Variants in COL1A1 observed in about 807,000 individuals in gnomAD.
COL1A1 encodes collagen type I alpha 1 chain.
A neutral mutation model predicts 195.7 loss-of-function variants in COL1A1; 21 were observed. That is an observed-to-expected ratio of 0.11 (90% CI 0.08 to 0.15). COL1A1 has a LOEUF of 0.15. COL1A1 is among the 10% of genes least tolerant of loss of function. The probability of loss-of-function intolerance (pLI) is 1.00; values close to 1 mark genes in which losing one functional copy is unlikely to be tolerated. For synonymous variants in COL1A1, 749 were observed against 747.3 expected (o/e 1.00, Z -0.04); for missense variants, 1,365 against 2,051.0 (o/e 0.67, Z 6.46).
chr17:50,200,906 C>T (rs917909568), intron 1 of COL1A1, among the ~76,000 whole-genome samples: 1 of 152,316 alleles, frequency 6.6e-6, no homozygotes, highest in Non-Finnish European at 1.5e-5. Flanking sequence ...GACCCCGCCC[C>T]GCCGAGTCCG....
chr17:50,201,088 C>T (rs936092037), intron 1 of COL1A1, among the ~76,000 whole-genome samples: 1 of 152,228 alleles, frequency 6.6e-6, no homozygotes, highest in African/African-American at 2.4e-5. Flanking sequence ...ATGCCCCGCT[C>T]GGCGCCCCCA....
chr17:50,192,416 G>A, intron 29 of COL1A1, 59 bp downstream of exon 29: 1 of 1,531,276 alleles, frequency 6.5e-7, no homozygotes, highest in South Asian at 1.2e-5. Flanking sequence ...TAGGAGCGGG[G>A]GCCTGTCCCT....
rs767525556 is a variant in COL1A1, at chr17:50,188,124, A to G, written c.3233T>C (p.Val1078Ala). ...ETGPAGPAGPVGPVGARGPAG... is the reference protein window; with the variant it reads ...ETGPAGPAGPAGPVGARGPAG... ...GGGGCCACGGGCGCCAACAGGGCCG[A>G]CAGGACCGGCGGGACCAGCAGGACC... The change falls in exon 44 of 51, where the codon GTC (valine) becomes GCC (alanine). Residue 1078 changes from valine to alanine, a missense_variant. Physicochemically the swap from Val to Ala is moderately conservative, Grantham distance 64 (BLOSUM62 0). This residue lies in a region of COL1A1 where 671 missense variants were observed against 1,099.9 expected (regional missense o/e 0.61). Transcript: ENST00000225964. The surrounding 1 kb of genome is among the most constrained non-coding windows in gnomAD (Gnocchi z 5.6). The G allele has an allele frequency of 3.2e-4, 501 of 1,576,772 alleles. No homozygotes were observed. Among genetic ancestry groups the G allele is most frequent in the Non-Finnish European group, 4.1e-4 (478 of 1,159,844 alleles).
chr17:50,196,750 A>C (rs764884184), intron 11 of COL1A1, 80 bp from the exon 12 acceptor site: 20 of 1,492,150 alleles, frequency 1.3e-5, no homozygotes, highest in Non-Finnish European at 1.9e-5. Context: ...TCTGAGAAAG[A>C]GCCTTGGGAG....
intron 32 of COL1A1, among the ~76,000 whole-genome samples, chr17:50,191,145 G>C (rs1050766264): frequency 1.3e-5 from 2 of 152,028 alleles, no homozygotes; most frequent in African/African-American, 4.8e-5. Flanking sequence ...GATGAATAAG[G>C]GAGCCTCCAC....
At position 50,194,120 on chromosome 17, in the gene COL1A1, T is replaced by G. The variant is rs1165557996; in HGVS notation, c.1668+10A>C. The G allele has an allele frequency of 3.1e-6, 5 of 1,605,642 alleles. No individual in the cohort carries two copies. The Admixed American group carries it at 6.8e-5, about 22-fold the overall frequency. ...ACAATGGCAGGGGGTTCAGGGGGAG[T>G]GATACTTACAGGGGGGCCAGTTTTG... On this transcript the variant is annotated intron_variant, in intron 24 of 50. Coordinates refer to ENST00000225964, the MANE Select transcript of COL1A1 (RefSeq NM_000088.4). This position sits in a 1 kb window ranked among gnomAD's most constrained non-coding sequence, Gnocchi z 6.8.
rs558106162 is a variant in COL1A1 at position 50,188,607 on chromosome 17, G to T, written c.3130C>A (p.Pro1044Thr). ...GDRGETGPAG[P>T]PGAPGAPGAP... ...CCAGGAGCACCAGGAGCACCAGGGGGTCCAGCGGGGCCGGTCTCACCACGG... is the reference window on the plus strand; with the variant it reads ...CCAGGAGCACCAGGAGCACCAGGGGTTCCAGCGGGGCCGGTCTCACCACGG... The change falls in exon 43 of 51, where the codon CCC becomes ACC. Residue 1044 changes from proline to threonine, a missense_variant. By Grantham distance (38) the Pro-to-Thr change is conservative. This residue lies in a region of COL1A1 where 671 missense variants were observed against 1,099.9 expected (regional missense o/e 0.61). Coordinates refer to ENST00000225964, the MANE Select transcript of COL1A1 (RefSeq NM_000088.4). The surrounding 1 kb of genome is among the most constrained non-coding windows in gnomAD (Gnocchi z 5.6). The T allele has an allele frequency of 6.2e-7, 1 of 1,613,978 alleles. No homozygotes were observed. The highest frequency in any genetic ancestry group is 1.7e-5 in the Admixed American group (1 of 60,010).
chr17:50,198,730 A>T (rs1907814227), intron 5 of COL1A1: 1 of 571,986 alleles, frequency 1.7e-6, no homozygotes, highest in Non-Finnish European at 3.1e-6. Context: ...CAAAACTCCC[A>T]GTGCCACTAA....
rs1906979783 is a variant in COL1A1 at position 50,190,425 on chromosome 17, G to C, written c.2398-45C>G. On this transcript the variant is annotated intron_variant, in intron 34 of 50. Coordinates refer to ENST00000225964, the MANE Select transcript of COL1A1 (RefSeq NM_000088.4). The surrounding 1 kb of genome is among the most constrained non-coding windows in gnomAD (Gnocchi z 4.7). The stretch of plus-strand genomic sequence containing the variant: ...ATTGGAGAGATGCGCTGACAGGAGG[G>C]AAGGCGGGGATGCGGTGAGGGGAGA... The C allele has an allele frequency of 1.3e-6, 2 of 1,584,550 alleles. No homozygotes were observed. The highest frequency in any genetic ancestry group is 1.7e-6 in the Non-Finnish European group (2 of 1,153,096).
chr17:50,188,168 G>A lies in COL1A1; in HGVS notation c.3208-19C>T, dbSNP rs1411750377. On this transcript the variant is annotated intron_variant, in intron 43 of 50. Coordinates refer to ENST00000225964, the MANE Select transcript of COL1A1 (RefSeq NM_000088.4). This position sits in a 1 kb window ranked among gnomAD's most constrained non-coding sequence, Gnocchi z 5.6. ...CAGGACCCTGGGGAGAGCAAGGAAA[G>A]CATGAGCTCTTGGCCAGGGAAGGCT... The A allele has an allele frequency of 2.6e-6, 4 of 1,543,888 alleles. No homozygotes were observed. The African/African-American group carries it at 4.1e-5, about 16-fold the overall frequency.
rs1269674722 is a variant in COL1A1 at position 50,188,382 on chromosome 17, GT to G, written c.3207+147del. On this transcript the variant is annotated intron_variant, in intron 43 of 50. Coordinates refer to ENST00000225964, the MANE Select transcript of COL1A1 (RefSeq NM_000088.4). The surrounding 1 kb of genome is among the most constrained non-coding windows in gnomAD (Gnocchi z 5.6). ...GGACTTGGGGCTGAGCTTTAACTCA[GT>G]TTTTTGGATTAAGGCCCTGACATCT... is the stretch of plus-strand genomic sequence containing the variant. 5 of 932,502 alleles carry G rather than the reference GT, an allele frequency of 5.4e-6. No individual in the cohort carries two copies. The highest frequency in any genetic ancestry group is 6.7e-6 in the Non-Finnish European group (4 of 599,738). The allele number at this position is 932,502 out of a possible 1,614,324, so 57.8% of individuals were successfully genotyped here.
chr17:50,193,809 G>A (rs1907315457), intron 25 of COL1A1, 134 bp downstream of exon 25: 4 of 806,786 alleles, frequency 5.0e-6, no homozygotes, highest in African/African-American at 1.7e-5. Context: ...CAGATAGGGA[G>A]GCTGAGGTCC....
In COL1A1 at chr17:50,188,102, G is replaced by A. The variant is rs369670483; in HGVS notation, c.3255C>T (p.Gly1085=). 1.1e-4 allele frequency: 174 copies of A among 1,592,220 alleles called. No homozygotes were observed. Among genetic ancestry groups the A allele is most frequent in the Non-Finnish European group, 9.2e-5 (108 of 1,168,044 alleles). Residue 1085 remains glycine (G), a synonymous_variant, in exon 44 of 51, where the codon GGC becomes GGT. Coordinates refer to ENST00000225964, the MANE Select transcript of COL1A1 (RefSeq NM_000088.4). The surrounding 1 kb of genome is among the most constrained non-coding windows in gnomAD (Gnocchi z 5.6). ...GACACAGCAGGGTACTTACGGCGGG[G>A]CCACGGGCGCCAACAGGGCCGACAG... The part of the protein sequence containing the change: ...AGPVGPVGAR[G]PAGPQGPRGD...
At chr17:50,197,908 T>G in intron 8 of COL1A1, 41 bp downstream of exon 8, 1 of 1,607,060 alleles carries the variant, frequency 6.2e-7, no homozygotes, top group Non-Finnish European at 8.5e-7. Context: ...AGAGTCTGTG[T>G]GTTTGTAGAA....
At position 50,186,361 on chromosome 17, in the gene COL1A1, T is replaced by C. The variant is rs1453344125; in HGVS notation, c.3961A>G (p.Lys1321Glu). 1.2e-6 allele frequency: 2 copies of C among 1,614,220 alleles called. No homozygotes were observed. Among genetic ancestry groups the C allele is most frequent in the South Asian group, 2.2e-5 (2 of 91,086 alleles). Residue 1321 changes from lysine (K) to glutamate (E), a missense_variant, in exon 49 of 51, where the codon AAG (lysine) becomes GAG (glutamate). By Grantham distance (56) the Lys-to-Glu change is moderately conservative. This residue lies in a region of COL1A1 where 273 missense variants were observed against 338.6 expected (regional missense o/e 0.81). Transcript: ENST00000225964. The surrounding 1 kb of genome is among the most constrained non-coding windows in gnomAD (Gnocchi z 5.3). Reference sequence around the variant, plus strand: ...CTCTCGCCGAACCAGACATGCCTCTTGTCCTTGGGGTTCTTGCTGATGTAC... The same window carrying C: ...CTCTCGCCGAACCAGACATGCCTCTCGTCCTTGGGGTTCTTGCTGATGTAC... The part of the protein sequence containing the change: ...NWYISKNPKD[K>E]RHVWFGESMT...
intron 45 of COL1A1, 101 bp downstream of exon 45, chr17:50,187,775 G>A: frequency 8.4e-7 from 1 of 1,187,094 alleles, no homozygotes; most frequent in South Asian, 1.4e-5. Context: ...CCCCACTAGG[G>A]AGGGGAAAGA....
chr17:50,199,490 T>C, intron 3 of COL1A1, 37 bp from the exon 4 acceptor site: 1 of 1,614,030 alleles, frequency 6.2e-7, no homozygotes, highest in Non-Finnish European at 8.5e-7. Context: ...GAGGCCAGGT[T>C]AGAGAAGGGA....
chr17:50,191,738 A>C (rs1907094321), intron 31 of COL1A1, 50 bp downstream of exon 31: 1 of 1,537,434 alleles, frequency 6.5e-7, no homozygotes, highest in South Asian at 1.2e-5. Context: ...AGGAGGGGTG[A>C]GACCTGGTCC....
chr17:50,194,939 A>G lies in COL1A1; in HGVS notation c.1353+108T>C. 6.9e-7 allele frequency: 1 copy of G among 1,455,956 alleles called. No homozygotes were observed. Among genetic ancestry groups the G allele is most frequent in the Non-Finnish European group, 9.6e-7 (1 of 1,045,168 alleles). The allele number at this position is 1,455,956 out of a possible 1,614,324, so 90.2% of individuals were successfully genotyped here. On this transcript the variant is annotated intron_variant, in intron 20 of 50. Transcript: ENST00000225964. The surrounding 1 kb of genome is among the most constrained non-coding windows in gnomAD (Gnocchi z 6.8). ...TGTCAGGGGTTCCTGGGGGTGTGGC[A>G]GGGACTCCCCCAGAAGACTAGGGGC...
Sources: gnomAD v4.1 joint callset for allele counts (sites outside exome capture counted in the v4.1 genomes callset) on GRCh38, gnomAD v4.1.1 for gene constraint, gnomAD v4.1.1 regional missense constraint, Gnocchi (gnomAD v3.1) non-coding constraint, MANE v1.5 for transcripts, NCBI Gene and HGNC (gene_info 2026-07-23, HGNC 2026-07-21) for gene names.